Variants in PIK3C2G observed in about 807,000 individuals in gnomAD.
The protein encoded by PIK3C2G is phosphatidylinositol 3-kinase C2 domain-containing subunit gamma.
Under a neutral mutation model 181.1 loss-of-function variants are expected in PIK3C2G, and 168 were observed. That is an observed-to-expected ratio of 0.93 (90% CI 0.82 to 1.05). The LOEUF (loss-of-function observed/expected upper bound fraction) is 1.05. PIK3C2G is among the 50% of genes least tolerant of loss of function. PIK3C2G has a pLI of 0.00. For synonymous variants in PIK3C2G, 573 were observed against 592.2 expected (o/e 0.97, Z 0.47); for missense variants, 1,869 against 1,732.8 (o/e 1.08, Z -1.40).
At chr12:18,657,528 T>C in the PIK3C2G span, among the ~76,000 whole-genome samples, 1 of 152,296 alleles carries the variant, frequency 6.6e-6, no homozygotes, top group East Asian at 1.9e-4. Flanking sequence ...TCTAATTTTT[T>C]GTTGTTGTTT....
At chr12:18,424,657 A>G (rs1319446520) in intron 18 of PIK3C2G, 2 of 201,170 alleles carry the variant, frequency 9.9e-6, no homozygotes, top group Middle Eastern at 5.0e-4. Context: ...TCCTTCACAC[A>G]CCGAATTAAG....
At chr12:18,363,889 C>T (rs1941450329) in intron 12 of PIK3C2G, among the ~76,000 whole-genome samples, 1 of 152,146 alleles carries the variant, frequency 6.6e-6, no homozygotes, top group Admixed American at 6.5e-5. Context: ...AATCTGCCTT[C>T]TTATAGGACC....
chr12:18,300,999 T>C (rs1950151555), intron 5 of PIK3C2G, among the ~76,000 whole-genome samples: 1 of 152,110 alleles, frequency 6.6e-6, no homozygotes, highest in South Asian at 2.1e-4. Flanking sequence ...GTGGTTTCTT[T>C]TTTTCTTTCT....
At chr12:18,342,111 C>T (rs113372954) in intron 9 of PIK3C2G, among the ~76,000 whole-genome samples, 5 of 152,116 alleles carry the variant, frequency 3.3e-5, no homozygotes, top group Admixed American at 1.3e-4. Context: ...GTGGATGTCA[C>T]GGTGATTTTC....
intron 13 of PIK3C2G, among the ~76,000 whole-genome samples, chr12:18,377,266 C>G (rs1942513938): frequency 6.6e-6 from 1 of 152,136 alleles, no homozygotes; most frequent in South Asian, 2.1e-4. Context: ...GGTAAACCAG[C>G]CCATCTGTTC....
In PIK3C2G at chr12:18,379,602, A is replaced by G. The variant is rs1942696173; in HGVS notation, c.1881-2164A>G. Reference sequence around the variant, plus strand: ...AAAGGATATATAAGAAAAGGAGAAAACAAAATCATAAAAGCAGATCCTTTG... The same window carrying G: ...AAAGGATATATAAGAAAAGGAGAAAGCAAAATCATAAAAGCAGATCCTTTG... On this transcript the variant is annotated intron_variant, in intron 13 of 32. Coordinates refer to ENST00000538779, the MANE Select transcript of PIK3C2G (RefSeq NM_001288772.2). Among the ~76,000 whole-genome samples, 3 of 152,214 alleles carry G rather than the reference A, an allele frequency of 2.0e-5. No homozygotes were observed. The South Asian group carries it at 6.2e-4, about 31-fold the overall frequency.
chr12:18,392,083 G>GT (rs966027364), intron 15 of PIK3C2G, among the ~76,000 whole-genome samples: 4 of 152,106 alleles, frequency 2.6e-5, no homozygotes, highest in African/African-American at 9.7e-5. Flanking sequence ...GGAGGTGAAT[G>GT]TAACAGTTTA....
At chr12:18,491,194 T>C (rs11044137) in intron 19 of PIK3C2G, among the ~76,000 whole-genome samples, 3,029 of 152,144 alleles carry the variant, frequency 0.02, 102 homozygotes, top group African/African-American at 0.07. Context: ...CTTTGTTTGG[T>C]TTTTATTTTT....
chr12:18,628,692 G>C (rs935983329), intron 31 of PIK3C2G, among the ~76,000 whole-genome samples: 1 of 152,200 alleles, frequency 6.6e-6, no homozygotes, highest in Non-Finnish European at 1.5e-5. Flanking sequence ...ATCCTCACTA[G>C]TGAATTCTAA....
intron 12 of PIK3C2G, 68 bp downstream of exon 12, chr12:18,362,954 A>G: frequency 1.6e-6 from 2 of 1,250,936 alleles, no homozygotes; most frequent in Non-Finnish European, 2.1e-6. Context: ...CCCTTTTTTT[A>G]AAAGCAAGGG....
At chr12:18,452,002 C>G (rs535491715) in intron 18 of PIK3C2G, among the ~76,000 whole-genome samples, 3 of 152,124 alleles carry the variant, frequency 2.0e-5, no homozygotes, top group Admixed American at 6.5e-5. Flanking sequence ...TTCACATTGA[C>G]GTTCATCAGG....
chr12:18,425,382 A>ATT (rs1448480782), intron 18 of PIK3C2G, among the ~76,000 whole-genome samples: 6 of 95,930 alleles, frequency 6.3e-5, no homozygotes, highest in African/African-American at 1.6e-4. Flanking sequence ...AAGGACAGAC[A>ATT]TTTCTTTTTT....
the PIK3C2G span, chr12:18,695,014 C>T: frequency 6.2e-7 from 1 of 1,612,274 alleles, no homozygotes; most frequent in Non-Finnish European, 8.5e-7. Context: ...CCAGAACCAC[C>T]ATTATCCAAA....
chr12:18,477,180 C>T (rs1380242091), intron 18 of PIK3C2G, among the ~76,000 whole-genome samples: 1 of 152,088 alleles, frequency 6.6e-6, no homozygotes, highest in Non-Finnish European at 1.5e-5. Context: ...CCTCATTTAA[C>T]CTTAATTACC....
At position 18,532,110 on chromosome 12, in the gene PIK3C2G, T is replaced by A. The variant is rs116822524; in HGVS notation, c.3324-6046T>A. On this transcript the variant is annotated intron_variant, in intron 24 of 32. Transcript: ENST00000538779. Reference sequence around the variant, plus strand: ...AGTGATATCTCATTGTGGGTTTAAGTTGCATTTTCCTAGTGGTTAATAATG... The same window carrying A: ...AGTGATATCTCATTGTGGGTTTAAGATGCATTTTCCTAGTGGTTAATAATG... Among the ~76,000 whole-genome samples the A allele has an allele frequency of 4.5e-3, 678 of 152,168 alleles. 2 individuals are homozygous for A. Among genetic ancestry groups the A allele is most frequent in the African/African-American group, 0.015 (623 of 41,526 alleles).
rs937181627 is a variant in PIK3C2G at position 18,572,375 on chromosome 12, A to G, written c.4011+5318A>G. Among the ~76,000 whole-genome samples the G allele has an allele frequency of 1.8e-4, 26 of 148,110 alleles. 1 individual carries two copies. The highest frequency in any genetic ancestry group is 5.6e-4 in the African/African-American group (23 of 40,862). Reference sequence around the variant, plus strand: ...TATATAAAGCGATATATATAAAGCTATATATAATATATAATAAAGCTTTAT... The same window carrying G: ...TATATAAAGCGATATATATAAAGCTGTATATAATATATAATAAAGCTTTAT... On this transcript the variant is annotated intron_variant, in intron 29 of 32. Coordinates refer to ENST00000538779, the MANE Select transcript of PIK3C2G (RefSeq NM_001288772.2).
chr12:18,413,563 T>C (rs867365707), intron 16 of PIK3C2G, among the ~76,000 whole-genome samples: 1 of 152,176 alleles, frequency 6.6e-6, no homozygotes. Context: ...TACATTGTAA[T>C]AATCCATTTT....
chr12:18,707,951 A>C, the PIK3C2G span, among the ~76,000 whole-genome samples: 10 of 152,212 alleles, frequency 6.6e-5, no homozygotes, highest in Non-Finnish European at 1.2e-4. Flanking sequence ...AGGTTATTAC[A>C]GTGAATCAAA....
At chr12:18,290,466 C>T (rs1949643936) in intron 3 of PIK3C2G, among the ~76,000 whole-genome samples, 2 of 152,046 alleles carry the variant, frequency 1.3e-5, no homozygotes, top group Admixed American at 6.6e-5. Flanking sequence ...ATGAATGACT[C>T]GCAGCTTGAC....
Sources: allele counts gnomAD v4.1 joint callset (sites outside exome capture counted in the v4.1 genomes callset), GRCh38; gene constraint gnomAD v4.1.1; transcripts MANE v1.5; gene names NCBI Gene and HGNC (gene_info 2026-07-23, HGNC 2026-07-21).